Variants in OPCML observed in about 807,000 individuals in gnomAD.
OPCML encodes the protein opioid binding protein/cell adhesion molecule like.
A neutral mutation model predicts 37.8 loss-of-function variants in OPCML; 13 were observed. The observed-to-expected ratio is 0.34, with a 90% confidence interval of 0.22 to 0.55. The LOEUF is 0.55. Ranked by LOEUF, OPCML falls within the 20% of genes least tolerant of loss-of-function variation. OPCML has a pLI of 0.91. For missense variants in OPCML, 341 were observed against 435.6 expected, an observed-to-expected ratio of 0.78 and a Z score of 1.93; for synonymous variants, 176 against 168.8, an observed-to-expected ratio of 1.04 and a Z score of -0.33.
rs577571210 is a variant in OPCML, at chr11:132,705,053, C to G, written c.147-47734G>C. Among the ~76,000 whole-genome samples, 23 of 152,246 alleles carry G rather than the reference C, an allele frequency of 1.5e-4. No individual in the cohort carries two copies. The South Asian group carries it at 4.8e-3, about 32-fold the overall frequency. ...CTGGCTGAAAGTTAATCATACAGAA[C>G]CAGCGAGTGTGTATTTATTTATTTT... On this transcript the variant is annotated intron_variant, in intron 2 of 7. Coordinates refer to ENST00000524381, the MANE Select transcript of OPCML (RefSeq NM_001012393.5).
At chr11:132,530,889 A>G (rs942681655) in intron 3 of OPCML, among the ~76,000 whole-genome samples, 6 of 151,984 alleles carry the variant, frequency 3.9e-5, no homozygotes, top group Non-Finnish European at 8.8e-5. Context: ...TTGATTCCCT[A>G]CCTGAACAGA....
chr11:132,424,269 G>T (rs1249940407), intron 7 of OPCML, among the ~76,000 whole-genome samples: 1 of 151,966 alleles, frequency 6.6e-6, no homozygotes, highest in East Asian at 1.9e-4. Context: ...ACAGACGCCT[G>T]CCACCATGCC....
chr11:133,406,989 C>T (rs1165732805), intron 1 of OPCML, among the ~76,000 whole-genome samples: 1 of 152,174 alleles, frequency 6.6e-6, no homozygotes, highest in African/African-American at 2.4e-5. Flanking sequence ...GCCACAATTT[C>T]CCAAACCTCC....
At chr11:133,484,366 T>C (rs1230617533) in intron 1 of OPCML, among the ~76,000 whole-genome samples, 1 of 152,092 alleles carries the variant, frequency 6.6e-6, no homozygotes, top group Non-Finnish European at 1.5e-5. Context: ...ATATTCTATA[T>C]CTAGGTTTCT....
At chr11:132,686,344 T>C (rs1246715370) in intron 2 of OPCML, among the ~76,000 whole-genome samples, 4 of 152,234 alleles carry the variant, frequency 2.6e-5, no homozygotes, top group Non-Finnish European at 4.4e-5. Flanking sequence ...TCAGTCATAA[T>C]TGGCTAAATC....
intron 1 of OPCML, among the ~76,000 whole-genome samples, chr11:133,131,482 A>G (rs1949603278): frequency 6.6e-6 from 1 of 152,182 alleles, no homozygotes; most frequent in Admixed American, 6.5e-5. Flanking sequence ...CAGACCATTA[A>G]AATTTACTAC....
intron 1 of OPCML, among the ~76,000 whole-genome samples, chr11:133,265,721 C>T (rs1161335830): frequency 6.6e-6 from 1 of 152,118 alleles, no homozygotes; most frequent in Non-Finnish European, 1.5e-5. Flanking sequence ...AGGCTGAGTA[C>T]CACAGACGCT....
chr11:132,765,981 G>A (rs1946431100), intron 2 of OPCML, among the ~76,000 whole-genome samples: 1 of 152,082 alleles, frequency 6.6e-6, no homozygotes, highest in Admixed American at 6.5e-5. Context: ...ATAGCACAGG[G>A]CCAGCTTGAT....
At chr11:132,818,703 T>C (rs1188289787) in intron 2 of OPCML, among the ~76,000 whole-genome samples, 2 of 128,662 alleles carry the variant, frequency 1.6e-5, no homozygotes, top group African/African-American at 2.8e-5. Flanking sequence ...TTCTGTTTTC[T>C]GGAGAACCTT....
intron 1 of OPCML, among the ~76,000 whole-genome samples, chr11:132,966,756 A>T (rs1946223587): frequency 6.6e-6 from 1 of 151,956 alleles, no homozygotes; most frequent in Non-Finnish European, 1.5e-5. Context: ...TATGTTTATA[A>T]TTTTTGTATA....
At chr11:132,715,489 A>G (rs1034519411) in intron 2 of OPCML, among the ~76,000 whole-genome samples, 1 of 152,148 alleles carries the variant, frequency 6.6e-6, no homozygotes, top group Non-Finnish European at 1.5e-5. Context: ...CATGGACTGA[A>G]TATTTGTGTA....
intron 3 of OPCML, 43 bp downstream of exon 3, chr11:132,657,044 A>G (rs760082092): frequency 1.9e-6 from 3 of 1,599,692 alleles, no homozygotes; most frequent in Non-Finnish European, 2.6e-6. Flanking sequence ...CTTCCCCTCC[A>G]TCACTGACGG....
chr11:132,454,038 A>G (rs1443113201), intron 4 of OPCML, among the ~76,000 whole-genome samples: 1 of 152,210 alleles, frequency 6.6e-6, no homozygotes, highest in African/African-American at 2.4e-5. Context: ...TGTCACTTCT[A>G]TATGATTAGC....
chr11:132,431,025 G>A (rs368204562), intron 7 of OPCML, among the ~76,000 whole-genome samples: 89 of 152,282 alleles, frequency 5.8e-4, no homozygotes, highest in African/African-American at 2.1e-3. Context: ...CTGAAACCCA[G>A]CCACCCCTGC....
intron 1 of OPCML, among the ~76,000 whole-genome samples, chr11:133,401,695 G>C (rs1945409320): frequency 6.6e-6 from 1 of 152,100 alleles, no homozygotes; most frequent in Admixed American, 6.6e-5. Flanking sequence ...GACAAAAAAG[G>C]ACTCAAGAAT....
chr11:132,977,358 C>T (rs572758855), intron 1 of OPCML, among the ~76,000 whole-genome samples: 1 of 152,332 alleles, frequency 6.6e-6, no homozygotes, highest in East Asian at 1.9e-4. Flanking sequence ...GATCTCTCAG[C>T]TGATTCTCAA....
chr11:132,427,519 C>A (rs552762540), intron 7 of OPCML, among the ~76,000 whole-genome samples: 2 of 152,342 alleles, frequency 1.3e-5, no homozygotes, highest in South Asian at 4.1e-4. Context: ...GTAAGATCAA[C>A]CAACGAGGCT....
chr11:133,240,288 G>A (rs1218485228), intron 1 of OPCML, among the ~76,000 whole-genome samples: 1 of 147,582 alleles, frequency 6.8e-6, no homozygotes, highest in Admixed American at 6.7e-5. Context: ...TTAAGGATAT[G>A]TATCCATAAT....
intron 1 of OPCML, among the ~76,000 whole-genome samples, chr11:133,081,298 T>C (rs1312972358): frequency 6.6e-6 from 1 of 152,138 alleles, no homozygotes; most frequent in East Asian, 1.9e-4. Context: ...TGGTACCACC[T>C]AGCAGACATC....
Sources: gnomAD v4.1 joint callset for allele counts (sites outside exome capture counted in the v4.1 genomes callset) on GRCh38, gnomAD v4.1.1 for gene constraint, MANE v1.5 for transcripts, NCBI Gene and HGNC (gene_info 2026-07-23, HGNC 2026-07-21) for gene names.